Variants in DNM2 observed in about 807,000 individuals in gnomAD.
DNM2 encodes the protein dynamin-2.
Under a neutral mutation model 99.0 loss-of-function variants are expected in DNM2, and 15 were observed. The ratio of observed to expected loss-of-function variants is 0.15; its 90% CI spans 0.10 to 0.23. The LOEUF (loss-of-function observed/expected upper bound fraction) is 0.23. Among genes scored for constraint, DNM2 ranks in the 10% least tolerant of loss-of-function variants. The pLI, the probability that DNM2 is intolerant of heterozygous loss-of-function variation, is 1.00. For synonymous variants in DNM2, 525 were observed against 481.2 expected (o/e 1.09, Z -1.19); for missense variants, 742 against 1,189.4 (o/e 0.62, Z 5.53).
In DNM2 at chr19:10,744,730, G is replaced by A. The variant is rs543828528; in HGVS notation, c.162-15008G>A. Among the ~76,000 whole-genome samples the A allele has an allele frequency of 1.4e-3, 213 of 152,244 alleles. 5 individuals carry two copies. Among genetic ancestry groups the A allele is most frequent in the Admixed American group, 0.013 (206 of 15,276 alleles). On this transcript the variant is annotated intron_variant, in intron 1 of 20. Coordinates refer to ENST00000389253, the MANE Select transcript of DNM2 (RefSeq NM_001005361.3). ...GTCTCCTCCAGTCCTCACCACAACC[G>A]TTTTACAGAGCAGGACACCTGTTGC...
At chr19:10,754,057 T>G (rs908889985) in intron 1 of DNM2, among the ~76,000 whole-genome samples, 8 of 152,268 alleles carry the variant, frequency 5.3e-5, no homozygotes, top group Non-Finnish European at 1.2e-4. Flanking sequence ...ATTTAACTAG[T>G]CCCCTGTTGC....
intron 1 of DNM2, among the ~76,000 whole-genome samples, chr19:10,730,178 G>T (rs2069262174): frequency 6.6e-6 from 1 of 152,050 alleles, no homozygotes; most frequent in Non-Finnish European, 1.5e-5. Flanking sequence ...GCATATATTT[G>T]TTGAATGAAA....
rs1023910749 is a variant in DNM2 at position 10,764,155 on chromosome 19, A to G, written c.235+4344A>G. ...AGGGATTGGCAGCTGGCTCTCTGTG[A>G]CCAAACTCAGAACCAGGCTGCCACC... On this transcript the variant is annotated intron_variant, in intron 2 of 20. Transcript: ENST00000389253. This position sits in a 1 kb window ranked among gnomAD's most constrained non-coding sequence, Gnocchi z 4.1. Among the ~76,000 whole-genome samples, 9 of 152,118 alleles carry G rather than the reference A, an allele frequency of 5.9e-5. No homozygotes were observed. The East Asian group carries it at 1.5e-3, about 26-fold the overall frequency.
intron 10 of DNM2, 68 bp downstream of exon 10, chr19:10,797,586 G>C (rs558439240): frequency 1.1e-4 from 177 of 1,611,260 alleles, no homozygotes; most frequent in Non-Finnish European, 1.4e-4. Context: ...GTCTCAACCC[G>C]AGCATCTGGA....
At chr19:10,809,939 C>T (rs1057188926) in intron 14 of DNM2, 2 of 152,500 alleles carry the variant, frequency 1.3e-5, no homozygotes, top group African/African-American at 4.8e-5. Flanking sequence ...TGTGTTCCCC[C>T]CAGTCCCTTT....
At chr19:10,786,786 C>T in intron 7 of DNM2, 80 bp downstream of exon 7, 1 of 1,593,658 alleles carries the variant, frequency 6.3e-7, no homozygotes, top group African/African-American at 1.3e-5. Context: ...GGCTGGGCAC[C>T]ACTCATCACT....
At chr19:10,736,283 A>G (rs1568269928) in intron 1 of DNM2, among the ~76,000 whole-genome samples, 1 of 151,806 alleles carries the variant, frequency 6.6e-6, no homozygotes, top group Non-Finnish European at 1.5e-5. Flanking sequence ...AAAAAAAGAA[A>G]AAAAGAAAAA....
chr19:10,790,289 G>GTTTT (rs977955446), intron 7 of DNM2, among the ~76,000 whole-genome samples: 12 of 51,788 alleles, frequency 2.3e-4, no homozygotes, highest in South Asian at 1.3e-3. Context: ...GACACCCAGG[G>GTTTT]TTTTTTTGTT....
chr19:10,800,462 C>T (rs182152933), intron 11 of DNM2, among the ~76,000 whole-genome samples: 25 of 152,302 alleles, frequency 1.6e-4, no homozygotes, highest in Admixed American at 3.3e-4. Context: ...AGAATGCTGC[C>T]GGCCCTTCCA....
chr19:10,796,190 T>C lies in DNM2; in HGVS notation c.1196+751T>C. ...AGCTAATCAATACAGTTAGGCAGTG[T>C]ACCAGTAAGGTATTGCTCCCTCGGC... On this transcript the variant is annotated intron_variant, in intron 9 of 20. Transcript: ENST00000389253. This position sits in a 1 kb window ranked among gnomAD's most constrained non-coding sequence, Gnocchi z 5.6. The C allele has an allele frequency of 6.2e-7, 1 of 1,614,122 alleles. No homozygotes were observed. The highest frequency in any genetic ancestry group is 8.5e-7 in the Non-Finnish European group (1 of 1,180,032).
intron 1 of DNM2, among the ~76,000 whole-genome samples, chr19:10,753,397 C>T (rs1171222773): frequency 8.2e-6 from 1 of 121,640 alleles, no homozygotes; most frequent in Non-Finnish European, 1.7e-5. Context: ...TTCCCCCCTC[C>T]CCCTTCCCTT....
rs1332224115 is a variant in DNM2, at chr19:10,764,494, C to T, written c.235+4683C>T. Among the ~76,000 whole-genome samples, 1 of 152,204 alleles carries T rather than the reference C, an allele frequency of 6.6e-6. No individual in the cohort carries two copies. The highest frequency in any genetic ancestry group is 6.5e-5 in the Admixed American group (1 of 15,286). ...TTGGTGGCCCATGAGTGAACCCTGC[C>T]CTCACTGGGAAGCAGCCCCGTAAAC... On this transcript the variant is annotated intron_variant, in intron 2 of 20. Coordinates refer to ENST00000389253, the MANE Select transcript of DNM2 (RefSeq NM_001005361.3). The surrounding 1 kb of genome is among the most constrained non-coding windows in gnomAD (Gnocchi z 4.1).
At chr19:10,743,005 C>A (rs192808983) in intron 1 of DNM2, among the ~76,000 whole-genome samples, 1 of 151,490 alleles carries the variant, frequency 6.6e-6, no homozygotes, top group Admixed American at 6.6e-5. Flanking sequence ...CCTCAACCTC[C>A]TGGGCTCAAG....
In DNM2 at chr19:10,797,481, C is replaced by T. The variant is rs1204232955; in HGVS notation, c.1298C>T (p.Ser433Leu). The change falls in exon 10 of 21, where the codon TCA (serine) becomes TTA (leucine). Residue 433 changes from serine to leucine, a missense_variant. By Grantham distance (145) the Ser-to-Leu change is moderately radical (BLOSUM62 -2). This residue lies in a region of DNM2 where 240 missense variants were observed against 431.3 expected (regional missense o/e 0.56). Coordinates refer to ENST00000389253, the MANE Select transcript of DNM2 (RefSeq NM_001005361.3). ...PSLKCVDLVV[S>L]ELATVIKKCA... ...TTGAAGTGTGTTGATCTCGTGGTCT[C>T]AGAGCTGGCCACGGTCATAAAAAAG... The T allele has an allele frequency of 6.7e-7, 1 of 1,494,968 alleles. No individual in the cohort carries two copies. Among genetic ancestry groups the T allele is most frequent in the Admixed American group, 2.0e-5 (1 of 48,798 alleles). 92.6% of individuals were successfully genotyped at this position (1,494,968 alleles called of 1,614,324 possible). A position where few individuals can be genotyped will look rare whatever the true frequency, so the allele number is the denominator to read the frequency against.
intron 7 of DNM2, among the ~76,000 whole-genome samples, chr19:10,787,108 T>C (rs1207967584): frequency 6.6e-6 from 1 of 151,788 alleles, no homozygotes; most frequent in African/African-American, 2.4e-5. Flanking sequence ...CCAAGGTGGG[T>C]GGATCACCTG....
intron 19 of DNM2, among the ~76,000 whole-genome samples, chr19:10,829,710 G>C (rs1051912353): frequency 1.3e-5 from 2 of 152,186 alleles, no homozygotes; most frequent in Admixed American, 6.5e-5. Flanking sequence ...CTCAGAGGGG[G>C]CTGCCTTGCA....
At chr19:10,805,752 A>T (rs967192094) in intron 12 of DNM2, among the ~76,000 whole-genome samples, 164 bp from the exon 13 acceptor site, 1 of 152,172 alleles carries the variant, frequency 6.6e-6, no homozygotes, top group African/African-American at 2.4e-5. Context: ...CCGTGTGCCC[A>T]GGCCGTTTCC....
At chr19:10,777,241 A>G (rs759737422) in intron 5 of DNM2, 25 bp downstream of exon 5, 3 of 1,611,646 alleles carry the variant, frequency 1.9e-6, no homozygotes, top group East Asian at 4.5e-5. Context: ...GTGCTGGGGA[A>G]GCAGGAGGAT....
intron 5 of DNM2, among the ~76,000 whole-genome samples, chr19:10,780,847 C>T (rs1017012004): frequency 1.3e-5 from 2 of 151,708 alleles, no homozygotes; most frequent in Non-Finnish European, 2.9e-5. Flanking sequence ...TGGATCAAAC[C>T]CCAGCTCTAC....
Sources: gnomAD v4.1 joint callset for allele counts (sites outside exome capture counted in the v4.1 genomes callset) on GRCh38, gnomAD v4.1.1 for gene constraint, gnomAD v4.1.1 regional missense constraint, Gnocchi (gnomAD v3.1) non-coding constraint, MANE v1.5 for transcripts, NCBI Gene and HGNC (gene_info 2026-07-23, HGNC 2026-07-21) for gene names.